The following SLC1A7 variants were observed in gnomAD, a reference collection of about 807,000 sequenced individuals.
SLC1A7 encodes solute carrier family 1 member 7.
Under a neutral mutation model 47.7 loss-of-function variants are expected in SLC1A7, and 40 were observed. That is an observed-to-expected ratio of 0.84 (90% CI 0.65 to 1.09). The LOEUF (loss-of-function observed/expected upper bound fraction) is 1.09, where lower values mean the gene tolerates loss of function less well. SLC1A7 is among the 50% of genes least tolerant of loss of function. The pLI is 0.00. For missense variants in SLC1A7, 746 were observed against 769.5 expected (o/e 0.97, Z 0.36); for synonymous variants, 323 against 325.6 (o/e 0.99, Z 0.09).
intron 1 of SLC1A7, among the ~76,000 whole-genome samples, chr1:53,139,578 C>T (rs1284788082): frequency 6.6e-6 from 1 of 152,192 alleles, no homozygotes; most frequent in Non-Finnish European, 1.5e-5. Flanking sequence ...CCAAACCATG[C>T]CCAGGCTTTC....
chr1:53,094,069 GCCAT>G (rs1392397278), intron 5 of SLC1A7, among the ~76,000 whole-genome samples: 1 of 152,242 alleles, frequency 6.6e-6, no homozygotes, highest in Non-Finnish European at 1.5e-5. Flanking sequence ...CAGCTTGGAA[GCCAT>G]CCCCGATCCC....
chr1:53,090,575 C>T (rs1644408695), intron 8 of SLC1A7, 37 bp downstream of exon 8: 1 of 1,529,588 alleles, frequency 6.5e-7, no homozygotes, highest in African/African-American at 1.4e-5. Flanking sequence ...GCCCCCAGCC[C>T]CCGCCCCATC....
At chr1:53,090,345 C>G in intron 8 of SLC1A7, 1 of 570,068 alleles carries the variant, frequency 1.8e-6, no homozygotes, top group African/African-American at 1.9e-5. Context: ...AGCCGCATCC[C>G]AGCACCCCTT....
intron 2 of SLC1A7, among the ~76,000 whole-genome samples, chr1:53,133,327 A>G (rs947366806): frequency 6.6e-6 from 1 of 152,224 alleles, no homozygotes; most frequent in African/African-American, 2.4e-5. Context: ...GGGAGGTAGC[A>G]TTTCAGCAGA....
chr1:53,097,900 T>G (rs1389756832), intron 5 of SLC1A7, among the ~76,000 whole-genome samples: 1 of 131,202 alleles, frequency 7.6e-6, no homozygotes, highest in Non-Finnish European at 1.6e-5. Context: ...TTCAATACAC[T>G]CACACACCCC....
At chr1:53,101,897 A>G (rs556499311) in intron 5 of SLC1A7, among the ~76,000 whole-genome samples, 16 of 150,566 alleles carry the variant, frequency 1.1e-4, no homozygotes, top group African/African-American at 3.9e-4. Flanking sequence ...GTACACTCAC[A>G]TGTCCCACCT....
chr1:53,095,558 T>TGGTACACTCACCCTGCCTC, intron 5 of SLC1A7, among the ~76,000 whole-genome samples: 1 of 142,256 alleles, frequency 7.0e-6, no homozygotes, highest in Non-Finnish European at 1.5e-5. Context: ...CAACTCGCCT[T>TGGTACACTCACCCTGCCTC]GGTACACTCA....
chr1:53,118,932 G>T (rs1443913435), intron 2 of SLC1A7, among the ~76,000 whole-genome samples: 2 of 152,214 alleles, frequency 1.3e-5, no homozygotes, highest in African/African-American at 4.8e-5. Context: ...GGGAGGCAGA[G>T]GTTGCAGTGA....
intron 3 of SLC1A7, chr1:53,108,769 C>G (rs1206715438): frequency 4.5e-6 from 3 of 663,276 alleles, no homozygotes; most frequent in Non-Finnish European, 8.3e-6. Context: ...CAGCTGCCCA[C>G]CTCCCACTTC....
At chr1:53,090,938 A>G in intron 7 of SLC1A7, 132 bp from the exon 8 acceptor site, 1 of 1,535,226 alleles carries the variant, frequency 6.5e-7, no homozygotes, top group Non-Finnish European at 8.8e-7. Flanking sequence ...CTGCTCCGGC[A>G]GGAGGTAAGG....
Position 53,105,787 on chromosome 1 carries a change from T to C in SLC1A7, c.432-13A>G, listed in dbSNP as rs1644634479. On this transcript the variant is annotated splice_polypyrimidine_tract_variant and intron_variant, in intron 3 of 10. Transcript: ENST00000371494. ...TGGGAACATGTTCCTAGGAAGAGAA[T>C]CAGCAATTGAAAAATTCCAGAGCCC... 6.2e-7 allele frequency: 1 copy of C among 1,612,648 alleles called. No individual in the cohort carries two copies. Among genetic ancestry groups the C allele is most frequent in the South Asian group, 1.1e-5 (1 of 91,014 alleles).
Position 53,093,526 on chromosome 1 carries a change from G to A in SLC1A7, c.732C>T (p.Ala244=), listed in dbSNP as rs141148882. 7.5e-6 allele frequency: 12 copies of A among 1,609,050 alleles called. No individual in the cohort carries two copies. In the East Asian group the frequency reaches 2.5e-4, roughly 33 times the overall value. Reference sequence around the variant, plus strand: ...GGCACTGGCAGAAGCTGACCAGGGGGGCCCCGCTGTCACCCATGCGGCCCA... The same window carrying A: ...GGCACTGGCAGAAGCTGACCAGGGGAGCCCCGCTGTCACCCATGCGGCCCA... ...IMLGRMGDSG[A]PLVSFCQCLN... Residue 244 remains alanine (A), a synonymous_variant, in exon 6 of 11, where the codon GCC becomes GCT. Coordinates refer to ENST00000371494, the MANE Select transcript of SLC1A7 (RefSeq NM_006671.6).
chr1:53,123,118 C>A (rs1291084997), intron 2 of SLC1A7, among the ~76,000 whole-genome samples: 1 of 152,254 alleles, frequency 6.6e-6, no homozygotes, highest in African/African-American at 2.4e-5. Context: ...TCAGAGCTCA[C>A]TGTCAGACTG....
chr1:53,121,739 C>T (rs768289609), intron 2 of SLC1A7, among the ~76,000 whole-genome samples: 2 of 152,010 alleles, frequency 1.3e-5, no homozygotes, highest in Non-Finnish European at 2.9e-5. Flanking sequence ...GCACAAACAC[C>T]GGGGTGGGAG....
At chr1:53,115,000 G>A (rs1163604268) in intron 2 of SLC1A7, 27 bp from the exon 3 acceptor site, 3 of 1,581,346 alleles carry the variant, frequency 1.9e-6, no homozygotes, top group Non-Finnish European at 2.6e-6. Context: ...GTCAGGGGCT[G>A]TGGTGGGGAG....
chr1:53,142,486 T>C lies in SLC1A7; in HGVS notation c.-37A>G. 6.2e-7 allele frequency: 1 copy of C among 1,607,478 alleles called. No individual in the cohort carries two copies. The highest frequency in any genetic ancestry group is 8.5e-7 in the Non-Finnish European group (1 of 1,177,172). On this transcript the variant is annotated 5_prime_UTR_variant, in exon 1 of 11. An upstream start codon of the reference 5' UTR is lost. Transcript: ENST00000371494. ...CCTGCTGGCAAGGGGCACAGCACCA[T>C]TCCACGCATGAGAGCCCGGCCGGGG...
chr1:53,107,100 G>C (rs1298583225), intron 3 of SLC1A7, among the ~76,000 whole-genome samples: 1 of 144,548 alleles, frequency 6.9e-6, no homozygotes, highest in East Asian at 2.1e-4. Flanking sequence ...AGGTTGCAGG[G>C]AGCTGAGATC....
At chr1:53,108,663 T>C (rs1276628740) in intron 3 of SLC1A7, 1 of 717,550 alleles carries the variant, frequency 1.4e-6, no homozygotes, top group Non-Finnish European at 2.6e-6. Context: ...AGCTAGAGCT[T>C]GAGCAACCTT....
Position 53,114,866 on chromosome 1 carries a change from A to G in SLC1A7, c.323T>C (p.Ile108Thr), listed in dbSNP as rs751713137. 6.2e-7 allele frequency: 1 copy of G among 1,614,184 alleles called. No homozygotes were observed. The highest frequency in any genetic ancestry group is 1.1e-5 in the South Asian group (1 of 91,084). Residue 108 changes from isoleucine to threonine, a missense_variant, in exon 3 of 11, where the codon ATC (isoleucine) becomes ACC (threonine). Physicochemically the swap from Ile to Thr is moderately conservative, Grantham distance 89. Transcript: ENST00000371494. ...TGGGTGGATGATGGAGACCATGAAG[A>G]TGCCCACGATGACAGCCATGAAGGT... is the stretch of plus-strand genomic sequence containing the variant. ...WTTFMAVIVG[I>T]FMVSIIHPGS...
Sources: allele counts gnomAD v4.1 joint callset (sites outside exome capture counted in the v4.1 genomes callset), GRCh38; gene constraint gnomAD v4.1.1; transcripts MANE v1.5; gene names NCBI Gene and HGNC (gene_info 2026-07-23, HGNC 2026-07-21).